FMN1: variants seen among roughly 807,000 people sequenced by gnomAD.
FMN1 encodes formin-1.
FMN1 carries 110 observed loss-of-function variants against 132.4 expected under a neutral mutation model. That is an observed-to-expected ratio of 0.83 (90% CI 0.71 to 0.97). The LOEUF (loss-of-function observed/expected upper bound fraction) is 0.97. Ranked by LOEUF, FMN1 falls within the 50% of genes least tolerant of loss-of-function variation. FMN1 has a pLI of 0.00. For missense variants in FMN1, 1,792 were observed against 1,705.3 expected (o/e 1.05, Z -0.90); for synonymous variants, 722 against 651.7 (o/e 1.11, Z -1.64).
In FMN1 at chr15:33,153,495, G is replaced by C; in HGVS notation, c.1420C>G (p.Leu474Val). 1 of 1,536,568 alleles carries C rather than the reference G, an allele frequency of 6.5e-7. No homozygotes were observed. Among genetic ancestry groups the C allele is most frequent in the Non-Finnish European group, 8.7e-7 (1 of 1,147,000 alleles). The change falls in exon 4 of 21, where the codon CTG becomes GTG. Residue 474 changes from leucine to valine, a missense_variant. Physicochemically the swap from Leu to Val is conservative, Grantham distance 32. This residue lies in a region of FMN1 where 638 missense variants were observed against 645.2 expected (regional missense o/e 0.99). Transcript: ENST00000616417. Reference protein sequence around the residue: ...LGGHKSLFLDLPHKVGPDSSQ... With the variant: ...LGGHKSLFLDVPHKVGPDSSQ... ...GAGTCAGGACCTACTTTGTGGGGCA[G>C]ATCCAGAAACAAGGACTTGTGGCCA... is the stretch of plus-strand genomic sequence containing the variant.
chr15:32,958,883 A>C (rs540223184), intron 9 of FMN1, among the ~76,000 whole-genome samples: 2 of 152,140 alleles, frequency 1.3e-5, no homozygotes, highest in East Asian at 3.9e-4. Context: ...CTCTACTAAA[A>C]ATATAAAAAT....
chr15:33,143,359 GT>G (rs1480935216), intron 4 of FMN1, among the ~76,000 whole-genome samples: 1 of 152,174 alleles, frequency 6.6e-6, no homozygotes, highest in African/African-American at 2.4e-5. Flanking sequence ...CCTGTTACCA[GT>G]TTTCAGACTA....
chr15:32,788,220 A>C (rs754355656), intron 19 of FMN1, among the ~76,000 whole-genome samples: 1 of 152,256 alleles, frequency 6.6e-6, no homozygotes, highest in Non-Finnish European at 1.5e-5. Context: ...CTTAGTAGAC[A>C]TAACACCCAG....
intron 20 of FMN1, 34 bp downstream of exon 20, chr15:32,776,801 C>A: frequency 7.4e-7 from 1 of 1,346,922 alleles, no homozygotes; most frequent in Non-Finnish European, 1.0e-6. Context: ...ATTTTCATGA[C>A]AATCGTTAGA....
chr15:32,970,484 C>G (rs1177811768), intron 7 of FMN1, among the ~76,000 whole-genome samples: 3 of 152,096 alleles, frequency 2.0e-5, no homozygotes, highest in Non-Finnish European at 4.4e-5. Flanking sequence ...AAGTACATAC[C>G]TCAGCAGCAA....
At position 32,769,703 on chromosome 15, in the gene FMN1, C is replaced by T. The variant is rs934458503; in HGVS notation, c.*4607G>A. ...TTGGAAAGGCTAAAAATTATCCACT[C>T]TTTTCAAATCCCATCAGCTTGGCCA... On this transcript the variant is annotated 3_prime_UTR_variant, in exon 21 of 21. Coordinates refer to ENST00000616417, the MANE Select transcript of FMN1 (RefSeq NM_001277313.2). 6.6e-6 allele frequency: 1 copy of T among 152,210 alleles called. No homozygotes were observed. The highest frequency in any genetic ancestry group is 2.4e-5 in the African/African-American group (1 of 41,444). The allele number at this position is 152,210 out of a possible 1,614,324, so 9.4% of individuals were successfully genotyped here.
At chr15:32,858,652 T>C (rs1289788058) in intron 16 of FMN1, among the ~76,000 whole-genome samples, 2 of 152,220 alleles carry the variant, frequency 1.3e-5, no homozygotes, top group Non-Finnish European at 2.9e-5. Flanking sequence ...TCCTGTCCGT[T>C]GGGAGGCAAA....
At chr15:33,114,581 G>C (rs1405210703) in intron 4 of FMN1, among the ~76,000 whole-genome samples, 1 of 152,068 alleles carries the variant, frequency 6.6e-6, no homozygotes, top group Non-Finnish European at 1.5e-5. Flanking sequence ...CCACGCAAAC[G>C]CGAGTCTCTC....
chr15:32,896,786 C>A (rs139779087), intron 15 of FMN1, among the ~76,000 whole-genome samples: 1 of 152,124 alleles, frequency 6.6e-6, no homozygotes, highest in Admixed American at 6.5e-5. Context: ...AGTACATATA[C>A]GCATTTTCTT....
chr15:32,993,844 C>T (rs980844494), intron 7 of FMN1, among the ~76,000 whole-genome samples: 2 of 144,698 alleles, frequency 1.4e-5, no homozygotes, highest in Non-Finnish European at 3.0e-5. Flanking sequence ...GCAGTACTCC[C>T]TGCTGTCCTC....
intron 19 of FMN1, among the ~76,000 whole-genome samples, chr15:32,793,420 C>G: frequency 6.6e-6 from 1 of 152,040 alleles, no homozygotes; most frequent in African/African-American, 2.4e-5. Context: ...GCTGGGATTA[C>G]AGGTGTGCAC....
chr15:33,092,836 T>C (rs1313391211), intron 4 of FMN1, among the ~76,000 whole-genome samples: 3 of 152,208 alleles, frequency 2.0e-5, no homozygotes, highest in Non-Finnish European at 2.9e-5. Flanking sequence ...CACAACAGTG[T>C]TTTTGTTTTG....
chr15:33,014,186 G>A (rs1217303925), intron 6 of FMN1, among the ~76,000 whole-genome samples: 2 of 152,190 alleles, frequency 1.3e-5, no homozygotes, highest in Admixed American at 1.3e-4. Context: ...TCACAAGAGA[G>A]TAGTAAGAGA....
intron 16 of FMN1, among the ~76,000 whole-genome samples, chr15:32,867,546 C>A (rs1041222951): frequency 6.6e-6 from 1 of 151,708 alleles, no homozygotes; most frequent in Non-Finnish European, 1.5e-5. Flanking sequence ...CTCTTTCACC[C>A]AGGCTGGAGT....
At chr15:32,850,180 G>C (rs547298774) in intron 17 of FMN1, among the ~76,000 whole-genome samples, 1 of 152,114 alleles carries the variant, frequency 6.6e-6, no homozygotes, top group African/African-American at 2.4e-5. Context: ...AAGGACGTCA[G>C]AATTATTTCC....
intron 17 of FMN1, among the ~76,000 whole-genome samples, chr15:32,840,439 A>G (rs1335990640): frequency 2.0e-5 from 3 of 152,180 alleles, no homozygotes; most frequent in Non-Finnish European, 2.9e-5. Context: ...CGGTATCAGC[A>G]CATTCAAGAT....
Position 32,899,785 on chromosome 15 carries a change from G to GA in FMN1, c.3654+193dup, listed in dbSNP as rs4041540. On this transcript the variant is annotated intron_variant, in intron 14 of 20. Coordinates refer to ENST00000616417, the MANE Select transcript of FMN1 (RefSeq NM_001277313.2). ...AGTAATTGAAAATAAAGTCTAACGT[G>GA]AAAAAAAAAAACCAAACAAAACTCT... 0.46 allele frequency: 242,724 copies of GA among 527,648 alleles called. 28,512 individuals are homozygous for GA. The highest frequency in any genetic ancestry group is 0.65 in the African/African-American group (32,420 of 49,982). The allele number at this position is 527,648 out of a possible 1,614,324, so 32.7% of individuals were successfully genotyped here. A position where few individuals can be genotyped will look rare whatever the true frequency, so the allele number is the denominator to read the frequency against.
At chr15:32,826,497 A>G (rs2058370554) in intron 17 of FMN1, among the ~76,000 whole-genome samples, 1 of 152,224 alleles carries the variant, frequency 6.6e-6, no homozygotes, top group African/African-American at 2.4e-5. Flanking sequence ...AAAGGAAATT[A>G]AAGGAAGATT....
chr15:33,066,661 T>C (rs765647946), intron 5 of FMN1: 7 of 1,613,796 alleles, frequency 4.3e-6, no homozygotes, highest in Admixed American at 1.7e-5. Flanking sequence ...GCCGGATGAA[T>C]AGGGCTTTAA....
Sources: allele counts gnomAD v4.1 joint callset (sites outside exome capture counted in the v4.1 genomes callset), GRCh38; gene constraint gnomAD v4.1.1; regional missense constraint gnomAD v4.1.1; transcripts MANE v1.5; gene names NCBI Gene and HGNC (gene_info 2026-07-23, HGNC 2026-07-21).